EPHA3: variants seen among roughly 807,000 people sequenced by gnomAD.
EPHA3 encodes the protein ephrin type-A receptor 3.
EPHA3 carries 42 observed loss-of-function variants against 107.1 expected under a neutral mutation model. That is an observed-to-expected ratio of 0.39 (90% CI 0.31 to 0.51). The LOEUF (loss-of-function observed/expected upper bound fraction) is 0.51, where lower values mean the gene tolerates loss of function less well. Ranked by LOEUF, EPHA3 falls within the 20% of genes least tolerant of loss-of-function variation. EPHA3 has a pLI of 0.78. For synonymous variants in EPHA3, 461 were observed against 424.8 expected (o/e 1.09, Z -1.05); for missense variants, 1,183 against 1,211.2 (o/e 0.98, Z 0.35).
chr3:89,210,408 TAAG>T lies in EPHA3; in HGVS notation c.703_705del (p.Lys235del). ...TTAGAGGGTCTTGTGTCAACAATTC[TAAG>T]GAGGAAGATCCTCCAAGGATGTACT... On this transcript the variant is annotated inframe_deletion, in exon 3 of 17. Transcript: ENST00000336596. 6.2e-7 allele frequency: 1 copy of T among 1,613,846 alleles called. No individual in the cohort carries two copies. The highest frequency in any genetic ancestry group is 8.5e-7 in the Non-Finnish European group (1 of 1,179,872).
Position 89,395,821 on chromosome 3 carries a change from C to A in EPHA3, c.1307-16C>A, listed in dbSNP as rs752150171. ...TTTGCTTCCTTCCACCTTCCCCTCC[C>A]ATCCTCTCTTTACAGCTCCATCACC... On this transcript the variant is annotated splice_polypyrimidine_tract_variant and intron_variant, in intron 5 of 16. Coordinates refer to ENST00000336596, the MANE Select transcript of EPHA3 (RefSeq NM_005233.6). The A allele has an allele frequency of 6.2e-7, 1 of 1,612,676 alleles. No individual in the cohort carries two copies. Among genetic ancestry groups the A allele is most frequent in the African/African-American group, 1.3e-5 (1 of 74,912 alleles).
chr3:89,334,493 T>C (rs2107404970), intron 3 of EPHA3, among the ~76,000 whole-genome samples: 1 of 152,362 alleles, frequency 6.6e-6, no homozygotes, highest in South Asian at 2.1e-4. Flanking sequence ...TTTTAAAGTG[T>C]CTAGGCTAAG....
intron 2 of EPHA3, among the ~76,000 whole-genome samples, chr3:89,168,980 AC>A (rs1205112443): frequency 1.3e-5 from 2 of 152,132 alleles, no homozygotes; most frequent in Non-Finnish European, 2.9e-5. Context: ...TTAAGCAAAT[AC>A]TCAGAACACA....
At chr3:89,184,724 C>T (rs993187152) in intron 2 of EPHA3, among the ~76,000 whole-genome samples, 9 of 151,926 alleles carry the variant, frequency 5.9e-5, no homozygotes, top group Non-Finnish European at 1.3e-4. Flanking sequence ...GAAATGGATT[C>T]GTTTCAGCAT....
chr3:89,401,816 G>A (rs1708970413), intron 7 of EPHA3, among the ~76,000 whole-genome samples: 1 of 152,034 alleles, frequency 6.6e-6, no homozygotes, highest in East Asian at 1.9e-4. Context: ...TCACCATATT[G>A]GTCAAGCTGA....
chr3:89,236,682 G>GT (rs1211803522), intron 3 of EPHA3, among the ~76,000 whole-genome samples: 1 of 151,840 alleles, frequency 6.6e-6, no homozygotes, highest in Admixed American at 6.6e-5. Flanking sequence ...GTATACATAT[G>GT]TAACTAACCT....
At chr3:89,320,677 C>G (rs1211647516) in intron 3 of EPHA3, among the ~76,000 whole-genome samples, 3 of 151,798 alleles carry the variant, frequency 2.0e-5, no homozygotes, top group African/African-American at 7.3e-5. Context: ...TATTTAGGAT[C>G]TTGATTAACA....
At chr3:89,414,435 T>G (rs1174511743) in intron 10 of EPHA3, among the ~76,000 whole-genome samples, 1 of 151,716 alleles carries the variant, frequency 6.6e-6, no homozygotes, top group Non-Finnish European at 1.5e-5. Context: ...GCTGTACATC[T>G]GTGCTGATCC....
chr3:89,358,240 G>GA (rs1708009353), intron 5 of EPHA3, among the ~76,000 whole-genome samples: 1 of 150,882 alleles, frequency 6.6e-6, no homozygotes, highest in Non-Finnish European at 1.5e-5. Flanking sequence ...GTGAAGTCAA[G>GA]AAAAAAGCAT....
chr3:89,116,899 T>C lies in EPHA3; in HGVS notation c.88+9063T>C, dbSNP rs1279593960. Among the ~76,000 whole-genome samples the C allele has an allele frequency of 2.0e-5, 3 of 152,104 alleles. No homozygotes were observed. In the East Asian group the frequency reaches 5.8e-4, roughly 29 times the overall value. On this transcript the variant is annotated intron_variant, in intron 1 of 16. Coordinates refer to ENST00000336596, the MANE Select transcript of EPHA3 (RefSeq NM_005233.6). ...CCTGTTATTTGATTTTTTATATTCA[T>C]ATTTGTTACTCATTTTCCTATTATT...
chr3:89,368,568 G>C lies in EPHA3; in HGVS notation c.1306+26478G>C, dbSNP rs112146580. ...AAGTCCAAGGCCTGAAAACTGGAGG[G>C]TCTGATATTGTAATTCTTAGAATTA... On this transcript the variant is annotated intron_variant, in intron 5 of 16. Transcript: ENST00000336596. Among the ~76,000 whole-genome samples the C allele has an allele frequency of 1.4e-3, 216 of 150,510 alleles. 8 individuals carry two copies. In the Middle Eastern group the frequency reaches 0.017, roughly 12 times the overall value.
intron 6 of EPHA3, among the ~76,000 whole-genome samples, chr3:89,397,318 T>C (rs1191442725): frequency 6.6e-6 from 1 of 152,128 alleles, no homozygotes; most frequent in Non-Finnish European, 1.5e-5. Flanking sequence ...ACTCATAGGA[T>C]TGTGATCTAT....
intron 3 of EPHA3, among the ~76,000 whole-genome samples, chr3:89,286,244 G>T (rs1706080476): frequency 6.6e-6 from 1 of 151,512 alleles, no homozygotes; most frequent in Non-Finnish European, 1.5e-5. Context: ...GAAGTAGGGA[G>T]AGAGGAGTAG....
rs568316532 is a variant in EPHA3 at position 89,471,935 on chromosome 3, T to C, written c.2691-529T>C. ...CTATTATTTTTTATTTTTAATGACATGCAGCATTATTTAACTCTGTATTGA... is the reference window on the plus strand; with the variant it reads ...CTATTATTTTTTATTTTTAATGACACGCAGCATTATTTAACTCTGTATTGA... On this transcript the variant is annotated intron_variant, in intron 15 of 16. Coordinates refer to ENST00000336596, the MANE Select transcript of EPHA3 (RefSeq NM_005233.6). Among the ~76,000 whole-genome samples, 6 of 152,276 alleles carry C rather than the reference T, an allele frequency of 3.9e-5. No homozygotes were observed. In the South Asian group the frequency reaches 1.2e-3, roughly 32 times the overall value.
At chr3:89,263,956 G>C (rs374055805) in intron 3 of EPHA3, among the ~76,000 whole-genome samples, 7 of 152,044 alleles carry the variant, frequency 4.6e-5, no homozygotes, top group Admixed American at 1.3e-4. Context: ...TCAGGGGAGG[G>C]GATGCATTAC....
At chr3:89,201,037 T>C (rs1705956217) in intron 2 of EPHA3, among the ~76,000 whole-genome samples, 1 of 152,050 alleles carries the variant, frequency 6.6e-6, no homozygotes, top group African/African-American at 2.4e-5. Flanking sequence ...TAAGACTGGG[T>C]GATTTAAAAA....
Position 89,413,206 on chromosome 3 carries a change from C to A in EPHA3, c.1828C>A (p.His610Asn), listed in dbSNP as rs1709187924. The A allele has an allele frequency of 6.2e-7, 1 of 1,611,794 alleles. No individual in the cohort carries two copies. The highest frequency in any genetic ancestry group is 1.7e-5 in the Admixed American group (1 of 59,848). ...ATATGAAGACCCTACCCAAGCTGTTCATGAGTTTGCCAAGGAATTGGATGC... is the reference window on the plus strand; with the variant it reads ...ATATGAAGACCCTACCCAAGCTGTTAATGAGTTTGCCAAGGAATTGGATGC... ...HTYEDPTQAV[H>N]EFAKELDATN... The change falls in exon 10 of 17, where the codon CAT becomes AAT. Residue 610 changes from histidine (H) to asparagine (N), a missense_variant. His to Asn is a moderately conservative substitution (Grantham distance 68, BLOSUM62 1). Transcript: ENST00000336596.
At chr3:89,173,906 GTAAAT>G (rs1705261626) in intron 2 of EPHA3, among the ~76,000 whole-genome samples, 1 of 151,798 alleles carries the variant, frequency 6.6e-6, no homozygotes, top group African/African-American at 2.4e-5. Flanking sequence ...AAAAAATAAA[GTAAAT>G]TAAAAAAACA....
At chr3:89,196,675 TCATAGTAGTCAAAATTATACATTTTGA>T (rs1273746253) in intron 2 of EPHA3, among the ~76,000 whole-genome samples, 16 of 152,138 alleles carry the variant, frequency 1.1e-4, no homozygotes, top group Non-Finnish European at 1.9e-4. Context: ...TTTTCACTAG[TCATAGTAGTCAAAATTATACATTTTGA>T]CATAGTAGTC....
Sources: allele counts gnomAD v4.1 joint callset (sites outside exome capture counted in the v4.1 genomes callset), GRCh38; gene constraint gnomAD v4.1.1; transcripts MANE v1.5; gene names NCBI Gene and HGNC (gene_info 2026-07-23, HGNC 2026-07-21).